Variants in TBC1D15 observed in about 807,000 individuals in gnomAD.
TBC1D15 encodes GAP for RAB7.
A neutral mutation model predicts 95.4 loss-of-function variants in TBC1D15; 39 were observed. The observed-to-expected ratio is 0.41, with a 90% CI of 0.32 to 0.53. The LOEUF is 0.53. TBC1D15 is among the 20% of genes least tolerant of loss of function. The pLI is 0.29. For synonymous variants in TBC1D15, 258 were observed against 261.3 expected (o/e 0.99, Z 0.12); for missense variants, 733 against 794.3 (o/e 0.92, Z 0.93).
At chr12:71,912,675 A>T (rs1432139179) in intron 11 of TBC1D15, among the ~76,000 whole-genome samples, 1 of 152,134 alleles carries the variant, frequency 6.6e-6, no homozygotes, top group African/African-American at 2.4e-5. Context: ...TCCCTCTTTC[A>T]TTAAATATTT....
chr12:71,910,959 G>A (rs558444757), intron 11 of TBC1D15, among the ~76,000 whole-genome samples: 29 of 152,128 alleles, frequency 1.9e-4, no homozygotes, highest in Admixed American at 1.1e-3. Flanking sequence ...AAAAGTGGGC[G>A]AAGGACATGA....
chr12:71,890,967 T>G (rs1040823058), intron 5 of TBC1D15, among the ~76,000 whole-genome samples: 1 of 152,188 alleles, frequency 6.6e-6, no homozygotes, highest in African/African-American at 2.4e-5. Flanking sequence ...TACATTGATA[T>G]GCAAATATCC....
In TBC1D15 at chr12:71,864,428, C is replaced by T. The variant is rs1891041393; in HGVS notation, c.31-7642C>T. Among the ~76,000 whole-genome samples, 3 of 151,630 alleles carry T rather than the reference C, an allele frequency of 2.0e-5. No homozygotes were observed. The South Asian group carries it at 6.3e-4, about 32-fold the overall frequency. ...TGTCCTTGCATCTAGTGGAACAATT[C>T]CCTTTCTAAACTCTGTAGAGTGGCT... On this transcript the variant is annotated intron_variant, in intron 1 of 16. Transcript: ENST00000485960.
At chr12:71,879,139 T>C (rs1592748059) in intron 3 of TBC1D15, among the ~76,000 whole-genome samples, 3 of 151,876 alleles carry the variant, frequency 2.0e-5, no homozygotes, top group African/African-American at 7.3e-5. Context: ...CTCTCTCTTT[T>C]TTTTTTTTTG....
chr12:71,887,669 CT>C (rs1896499239), intron 5 of TBC1D15, among the ~76,000 whole-genome samples: 1 of 152,210 alleles, frequency 6.6e-6, no homozygotes, highest in South Asian at 2.1e-4. Flanking sequence ...CTTATGCCCT[CT>C]TTCCCCATCT....
At chr12:71,846,503 TGTTGA>T (rs1489080033) in intron 1 of TBC1D15, among the ~76,000 whole-genome samples, 5 of 152,192 alleles carry the variant, frequency 3.3e-5, no homozygotes, top group Non-Finnish European at 1.5e-5. Flanking sequence ...CATAAAAGTT[TGTTGA>T]ATTGAATTTT....
intron 1 of TBC1D15, among the ~76,000 whole-genome samples, chr12:71,841,687 T>G (rs1427316212): frequency 6.6e-6 from 1 of 152,214 alleles, no homozygotes; most frequent in Non-Finnish European, 1.5e-5. Context: ...AGGCTTTTAG[T>G]CTGCTTCTAT....
chr12:71,855,735 C>T lies in TBC1D15; in HGVS notation c.30+15924C>T, dbSNP rs1374887129. On this transcript the variant is annotated intron_variant, in intron 1 of 16. Transcript: ENST00000485960. ...TCCAGATGACCTTCCACGTACCACC[C>T]CTTGTCTCCTAAGAAACAGTTATCC... Among the ~76,000 whole-genome samples, 3 of 151,690 alleles carry T rather than the reference C, an allele frequency of 2.0e-5. No individual in the cohort carries two copies. In the East Asian group the frequency reaches 5.8e-4, roughly 29 times the overall value.
chr12:71,839,803 A>G lies in TBC1D15; in HGVS notation c.22A>G (p.Ser8Gly). 2 of 1,614,092 alleles carry G rather than the reference A, an allele frequency of 1.2e-6. No individual in the cohort carries two copies. Among genetic ancestry groups the G allele is most frequent in the Non-Finnish European group, 1.7e-6 (2 of 1,180,006 alleles). Reference sequence around the variant, plus strand: ...AAACATGGCGGCGGCGGGTGTTGTGAGCGGGAAGGTAGGTAACGGCCTCCA... The same window carrying G: ...AAACATGGCGGCGGCGGGTGTTGTGGGCGGGAAGGTAGGTAACGGCCTCCA... MAAAGVVSGKIIYEQEGV... is the reference protein window; with the variant it reads MAAAGVVGGKIIYEQEGV... Residue 8 changes from serine to glycine, a missense_variant, in exon 1 of 17, where the codon AGC becomes GGC. Physicochemically the swap from Ser to Gly is moderately conservative, Grantham distance 56 (BLOSUM62 0). Transcript: ENST00000485960.
rs189530118 is a variant in TBC1D15 at position 71,920,727 on chromosome 12, A to G, written c.1600-4A>G. 578 of 1,604,188 alleles carry G rather than the reference A, an allele frequency of 3.6e-4. No homozygotes were observed. The highest frequency in any genetic ancestry group is 4.5e-4 in the Non-Finnish European group (532 of 1,172,582). On this transcript the variant is annotated splice_region_variant and splice_polypyrimidine_tract_variant and intron_variant, in intron 14 of 16. Transcript: ENST00000485960. ...TTGCAAAATAGTTCTTCTGCCTTCT[A>G]TAGGTAATGTGGACCGAACTACCAT... is the stretch of plus-strand genomic sequence containing the variant.
chr12:71,895,797 T>C (rs908761444), intron 7 of TBC1D15, 150 bp from the exon 8 acceptor site: 33 of 693,396 alleles, frequency 4.8e-5, no homozygotes, highest in Middle Eastern at 4.4e-4. Context: ...CTAACTATTA[T>C]AGTTAAACTA....
Position 71,896,077 on chromosome 12 carries a change from T to G in TBC1D15, c.984+2T>G. 1 of 1,605,084 alleles carries G rather than the reference T, an allele frequency of 6.2e-7. No homozygotes were observed. The highest frequency in any genetic ancestry group is 8.5e-7 in the Non-Finnish European group (1 of 1,173,614). ...ATGAAGCAGATGATATTTAGAGGGG[T>G]AATTTAAACACTCTAATATGGCTTG... On this transcript the variant is annotated splice_donor_variant, in intron 8 of 16. Coordinates refer to ENST00000485960, the MANE Select transcript of TBC1D15 (RefSeq NM_001146213.3). LOFTEE classifies it high-confidence loss of function.
intron 1 of TBC1D15, among the ~76,000 whole-genome samples, 193 bp downstream of exon 1, chr12:71,840,004 G>C (rs1040312056): frequency 1.3e-5 from 2 of 152,158 alleles, no homozygotes; most frequent in Admixed American, 1.3e-4. Flanking sequence ...TATAGAGCCG[G>C]CTACTGCTCC....
At chr12:71,876,550 C>CT (rs2138385967) in intron 3 of TBC1D15, among the ~76,000 whole-genome samples, 1 of 152,200 alleles carries the variant, frequency 6.6e-6, no homozygotes, top group South Asian at 2.1e-4. Flanking sequence ...CCTGGGGGTT[C>CT]TTTTTTGCCT....
At chr12:71,845,378 A>G (rs929008313) in intron 1 of TBC1D15, among the ~76,000 whole-genome samples, 7 of 152,230 alleles carry the variant, frequency 4.6e-5, no homozygotes, top group African/African-American at 1.7e-4. Context: ...TAGGCTAGAA[A>G]TGATAAGGGG....
At chr12:71,855,642 T>C (rs1244957759) in intron 1 of TBC1D15, among the ~76,000 whole-genome samples, 2 of 120,904 alleles carry the variant, frequency 1.7e-5, no homozygotes, top group African/African-American at 6.6e-5. Flanking sequence ...CACTCCAGCC[T>C]GGGTGACAGA....
intron 3 of TBC1D15, among the ~76,000 whole-genome samples, chr12:71,874,948 C>A (rs113343762): frequency 7.1e-6 from 1 of 140,422 alleles, no homozygotes; most frequent in Non-Finnish European, 1.6e-5. Flanking sequence ...TATGTCTTTT[C>A]TTTTATTTTT....
At chr12:71,908,942 A>G (rs1188355227) in intron 11 of TBC1D15, among the ~76,000 whole-genome samples, 2 of 152,120 alleles carry the variant, frequency 1.3e-5, no homozygotes, top group African/African-American at 4.8e-5. Flanking sequence ...AACTCTTGCC[A>G]TTTATTTTAG....
chr12:71,922,188 G>T (rs1290849223), intron 16 of TBC1D15, among the ~76,000 whole-genome samples: 1 of 152,100 alleles, frequency 6.6e-6, no homozygotes, highest in African/African-American at 2.4e-5. Context: ...GAGTTCAGTC[G>T]ATTCTCCTGC....
Sources: allele counts gnomAD v4.1 joint callset (sites outside exome capture counted in the v4.1 genomes callset), GRCh38; gene constraint gnomAD v4.1.1; transcripts MANE v1.5; gene names NCBI Gene and HGNC (gene_info 2026-07-23, HGNC 2026-07-21).